The following SRPK2 variants were observed in gnomAD, a reference collection of about 807,000 sequenced individuals.
SRPK2 encodes SFRS protein kinase 2.
Under a neutral mutation model 90.8 loss-of-function variants are expected in SRPK2, and 21 were observed. The observed-to-expected ratio is 0.23, with a 90% CI of 0.16 to 0.33. The LOEUF (loss-of-function observed/expected upper bound fraction) is 0.33, where lower values mean the gene tolerates loss of function less well. SRPK2 is among the 10% of genes least tolerant of loss of function. The pLI is 1.00. For synonymous variants in SRPK2, 288 were observed against 311.1 expected, an observed-to-expected ratio of 0.93 and a Z score of 0.78; for missense variants, 620 against 869.0, an observed-to-expected ratio of 0.71 and a Z score of 3.60.
chr7:105,322,570 T>C (rs573635593), intron 2 of SRPK2, among the ~76,000 whole-genome samples: 1 of 150,614 alleles, frequency 6.6e-6, no homozygotes, highest in African/African-American at 2.4e-5. Flanking sequence ...CTCCCAGGAG[T>C]TGGGGGAGGG....
At chr7:105,344,162 A>C (rs1816168122) in intron 2 of SRPK2, among the ~76,000 whole-genome samples, 3 of 152,208 alleles carry the variant, frequency 2.0e-5, no homozygotes. Context: ...CAAAACCATA[A>C]GGCTTTGTAA....
rs80347129 is a variant in SRPK2, at chr7:105,163,128, T to C, written c.515-2515A>G. 1.5e-3 allele frequency among the ~76,000 whole-genome samples: 221 copies of C among 152,322 alleles called. 3 individuals are homozygous for C. The East Asian group carries it at 0.036, about 25-fold the overall frequency. On this transcript the variant is annotated intron_variant, in intron 6 of 15. Transcript: ENST00000393651. ...ATATGAGGGATTTTCAAAAAGTCTA[T>C]GGAAAATGTGTATTTTGAAAACACT...
At chr7:105,315,134 T>C (rs1812175247) in intron 2 of SRPK2, among the ~76,000 whole-genome samples, 1 of 152,062 alleles carries the variant, frequency 6.6e-6, no homozygotes. Context: ...AGAAAACTTA[T>C]AAAGGAGCCT....
intron 2 of SRPK2, among the ~76,000 whole-genome samples, chr7:105,310,940 A>G (rs571026569): frequency 6.6e-6 from 1 of 152,304 alleles, no homozygotes; most frequent in Non-Finnish European, 1.5e-5. Flanking sequence ...ATTAACGTCA[A>G]TTGCTTCAGA....
intron 2 of SRPK2, among the ~76,000 whole-genome samples, chr7:105,208,995 A>G (rs143111709): frequency 1.1e-3 from 172 of 151,804 alleles, no homozygotes; most frequent in Middle Eastern, 3.4e-3. Flanking sequence ...ATAAAAGAAA[A>G]CCCCAATACA....
chr7:105,133,484 A>T (rs1373717094), intron 11 of SRPK2, among the ~76,000 whole-genome samples: 1 of 152,074 alleles, frequency 6.6e-6, no homozygotes, highest in African/African-American at 2.4e-5. Context: ...TTGCTGATGC[A>T]TTATTACAAG....
chr7:105,243,640 A>C (rs1021328790), intron 2 of SRPK2, among the ~76,000 whole-genome samples: 1 of 150,780 alleles, frequency 6.6e-6, no homozygotes, highest in Admixed American at 6.6e-5. Flanking sequence ...CAAAAAAAAA[A>C]AAAAAAAAAA....
chr7:105,208,696 T>C (rs1229207882), intron 2 of SRPK2, among the ~76,000 whole-genome samples: 2 of 152,322 alleles, frequency 1.3e-5, no homozygotes, highest in East Asian at 1.9e-4. Flanking sequence ...GGATATCTGT[T>C]AGGAGGGATG....
chr7:105,184,654 A>G (rs928668329), intron 3 of SRPK2, among the ~76,000 whole-genome samples: 2 of 152,208 alleles, frequency 1.3e-5, no homozygotes, highest in Non-Finnish European at 2.9e-5. Context: ...TTAAATGTAT[A>G]TAACAGTTTG....
At chr7:105,184,572 G>C (rs896907111) in intron 3 of SRPK2, among the ~76,000 whole-genome samples, 9 of 152,106 alleles carry the variant, frequency 5.9e-5, no homozygotes, top group African/African-American at 2.2e-4. Context: ...TGTCTATACA[G>C]GCCTCTTCCT....
At chr7:105,328,496 G>A (rs1813863818) in intron 2 of SRPK2, among the ~76,000 whole-genome samples, 1 of 144,308 alleles carries the variant, frequency 6.9e-6, no homozygotes, top group South Asian at 2.2e-4. Context: ...CTGGGAGGTA[G>A]AGGTTGCAGT....
chr7:105,240,268 T>C lies in SRPK2; in HGVS notation c.72-36483A>G, dbSNP rs1306400275. The stretch of plus-strand genomic sequence containing the variant: ...ACTCATCCCACTCATGAGAGCTATG[T>C]GTTGGTGATCTAATTGTCTCTCCCA... On this transcript the variant is annotated intron_variant, in intron 2 of 15. Coordinates refer to ENST00000393651, the MANE Select transcript of SRPK2 (RefSeq NM_182692.3). 4.6e-5 allele frequency among the ~76,000 whole-genome samples: 7 copies of C among 152,164 alleles called. No individual in the cohort carries two copies. The East Asian group carries it at 1.2e-3, about 25-fold the overall frequency.
chr7:105,313,959 C>T lies in SRPK2; in HGVS notation c.71+74689G>A, dbSNP rs190379183. Among the ~76,000 whole-genome samples, 336 of 152,066 alleles carry T rather than the reference C, an allele frequency of 2.2e-3. 5 individuals carry two copies. Among genetic ancestry groups the T allele is most frequent in the Non-Finnish European group, 1.2e-3 (83 of 67,956 alleles). The stretch of plus-strand genomic sequence containing the variant: ...GGCAAAGTCGCACCTCATTTATATC[C>T]AAAAAAATGTAAATTAAAATGACAT... On this transcript the variant is annotated intron_variant, in intron 2 of 15. Coordinates refer to ENST00000393651, the MANE Select transcript of SRPK2 (RefSeq NM_182692.3).
chr7:105,326,101 T>TC (rs1191752510), intron 2 of SRPK2, among the ~76,000 whole-genome samples: 1 of 152,220 alleles, frequency 6.6e-6, no homozygotes, highest in East Asian at 1.9e-4. Context: ...TAAAAAGTCA[T>TC]CCTTGACTTT....
intron 2 of SRPK2, among the ~76,000 whole-genome samples, chr7:105,371,178 T>C (rs890904918): frequency 2.1e-5 from 3 of 140,640 alleles, no homozygotes; most frequent in Non-Finnish European, 4.7e-5. Flanking sequence ...CCAAGGTGAA[T>C]GGATCACTTG....
At chr7:105,266,735 T>C (rs1191081895) in intron 2 of SRPK2, among the ~76,000 whole-genome samples, 2 of 152,138 alleles carry the variant, frequency 1.3e-5, no homozygotes, top group African/African-American at 4.8e-5. Context: ...TGCTACATGA[T>C]ATTGTAAGGT....
intron 2 of SRPK2, among the ~76,000 whole-genome samples, chr7:105,373,389 A>T (rs13232478): frequency 0.09 from 12,853 of 142,614 alleles, 634 homozygotes; most frequent in Non-Finnish European, 0.096. Flanking sequence ...AAAAAAAAAA[A>T]TTTTTTTTCT....
At chr7:105,198,175 T>G (rs1300914067) in intron 3 of SRPK2, among the ~76,000 whole-genome samples, 2 of 152,172 alleles carry the variant, frequency 1.3e-5, no homozygotes, top group African/African-American at 2.4e-5. Context: ...GAAAAATCAC[T>G]GATGAATTTG....
intron 2 of SRPK2, among the ~76,000 whole-genome samples, chr7:105,211,720 G>T (rs1364576231): frequency 6.6e-6 from 1 of 152,204 alleles, no homozygotes; most frequent in African/African-American, 2.4e-5. Context: ...TTCAACATTA[G>T]ATTTGGGCAG....
Sources: gnomAD v4.1 joint callset for allele counts (sites outside exome capture counted in the v4.1 genomes callset) on GRCh38, gnomAD v4.1.1 for gene constraint, MANE v1.5 for transcripts, NCBI Gene and HGNC (gene_info 2026-07-23, HGNC 2026-07-21) for gene names.